Variants in ARB2A observed in about 807,000 individuals in gnomAD.
ARB2A encodes the protein cotranscriptional regulator ARB2A.
chr5:93,713,407 A>T, the ARB2A span, among the ~76,000 whole-genome samples: 1 of 152,212 alleles, frequency 6.6e-6, no homozygotes, highest in Non-Finnish European at 1.5e-5. Flanking sequence ...ATCTGAATAG[A>T]CATTTCACAA....
chr5:94,013,456 G>A, the ARB2A span, among the ~76,000 whole-genome samples: 7 of 152,196 alleles, frequency 4.6e-5, no homozygotes, highest in African/African-American at 1.2e-4. Context: ...GATTACAGGC[G>A]TGAGACATCG....
At chr5:93,909,589 A>G in the ARB2A span, among the ~76,000 whole-genome samples, 1 of 151,032 alleles carries the variant, frequency 6.6e-6, no homozygotes, top group Non-Finnish European at 1.5e-5. Context: ...AATTAGTTAT[A>G]GTCTAACATT....
the ARB2A span, among the ~76,000 whole-genome samples, chr5:93,797,795 G>T: frequency 6.6e-6 from 1 of 152,106 alleles, no homozygotes; most frequent in African/African-American, 2.4e-5. Flanking sequence ...AATAGACATG[G>T]CACAGAAATG....
the ARB2A span, among the ~76,000 whole-genome samples, chr5:93,783,173 T>A: frequency 6.6e-6 from 1 of 152,174 alleles, no homozygotes; most frequent in Non-Finnish European, 1.5e-5. Flanking sequence ...AATTCCATAC[T>A]AGTTATGTGA....
the ARB2A span, among the ~76,000 whole-genome samples, chr5:93,765,086 T>A: frequency 6.6e-6 from 1 of 152,182 alleles, no homozygotes; most frequent in Non-Finnish European, 1.5e-5. Flanking sequence ...ACAGCCAATA[T>A]CATACTGAAT....
the ARB2A span, among the ~76,000 whole-genome samples, chr5:93,634,520 T>C: frequency 6.6e-6 from 1 of 152,168 alleles, no homozygotes; most frequent in African/African-American, 2.4e-5. Flanking sequence ...CAGGTGGCCA[T>C]AGTCCATAGC....
the ARB2A span, among the ~76,000 whole-genome samples, chr5:93,878,250 A>G: frequency 2.6e-5 from 4 of 151,342 alleles, no homozygotes; most frequent in African/African-American, 9.7e-5. Flanking sequence ...AGGGGTTTTA[A>G]TCCTGGCTCT....
the ARB2A span, among the ~76,000 whole-genome samples, chr5:93,711,772 C>G: frequency 3.9e-5 from 6 of 152,258 alleles, no homozygotes; most frequent in Non-Finnish European, 5.9e-5. Flanking sequence ...TGAAAACCTG[C>G]AGCTTCGCTG....
chr5:93,896,935 T>A, the ARB2A span, among the ~76,000 whole-genome samples: 3 of 152,044 alleles, frequency 2.0e-5, no homozygotes, highest in Admixed American at 2.0e-4. Context: ...CGCACAATAT[T>A]AATTAAATAA....
the ARB2A span, among the ~76,000 whole-genome samples, chr5:93,712,149 T>C: frequency 6.6e-5 from 10 of 152,328 alleles, no homozygotes; most frequent in Admixed American, 6.5e-4. Flanking sequence ...AGAGTCTTAC[T>C]AGCTTGGGGT....
the ARB2A span, among the ~76,000 whole-genome samples, chr5:94,078,911 T>C: frequency 6.6e-6 from 1 of 152,112 alleles, no homozygotes; most frequent in African/African-American, 2.4e-5. Flanking sequence ...TGAAAAAATG[T>C]ATATGAAAGC....
At chr5:93,939,000 GAAAGTTTAA>G in the ARB2A span, among the ~76,000 whole-genome samples, 3 of 152,116 alleles carry the variant, frequency 2.0e-5, no homozygotes, top group African/African-American at 7.2e-5. Flanking sequence ...CTTTCCTTAA[GAAAGTTTAA>G]AAATATTCTT....
At chr5:94,043,324 G>A in the ARB2A span, among the ~76,000 whole-genome samples, 5 of 152,104 alleles carry the variant, frequency 3.3e-5, no homozygotes, top group Non-Finnish European at 5.9e-5. Flanking sequence ...TTTCTTTTGA[G>A]CTATTTACAG....
the ARB2A span, among the ~76,000 whole-genome samples, chr5:94,057,024 C>G: frequency 6.6e-6 from 1 of 152,164 alleles, no homozygotes; most frequent in African/African-American, 2.4e-5. Context: ...CTCTCTCTGC[C>G]GATCTTCAAG....
At chr5:93,979,764 T>C in the ARB2A span, among the ~76,000 whole-genome samples, 4 of 152,082 alleles carry the variant, frequency 2.6e-5, no homozygotes, top group African/African-American at 9.7e-5. Context: ...TTTCTATGTT[T>C]CTTTCTTTCT....
the ARB2A span, among the ~76,000 whole-genome samples, chr5:93,900,457 A>G: frequency 6.6e-6 from 1 of 151,894 alleles, no homozygotes; most frequent in Non-Finnish European, 1.5e-5. Context: ...CGAAAAATAC[A>G]AAAATTAGCC....
At chr5:94,041,676 G>A in the ARB2A span, among the ~76,000 whole-genome samples, 2 of 151,998 alleles carry the variant, frequency 1.3e-5, no homozygotes, top group East Asian at 1.9e-4. Flanking sequence ...GTAAACATTT[G>A]GTCTAAATTA....
the ARB2A span, among the ~76,000 whole-genome samples, chr5:93,840,368 C>T: frequency 6.6e-6 from 1 of 152,082 alleles, no homozygotes; most frequent in Non-Finnish European, 1.5e-5. Flanking sequence ...GATAAATATT[C>T]AGAACCATAT....
At chr5:94,076,032 A>C in the ARB2A span, among the ~76,000 whole-genome samples, 1 of 152,218 alleles carries the variant, frequency 6.6e-6, no homozygotes, top group Non-Finnish European at 1.5e-5. Flanking sequence ...AAAACATTTC[A>C]TATAATGTCT....
Sources: allele counts gnomAD v4.1 joint callset (sites outside exome capture counted in the v4.1 genomes callset), GRCh38; gene constraint gnomAD v4.1.1; transcripts MANE v1.5; gene names NCBI Gene and HGNC (gene_info 2026-07-23, HGNC 2026-07-21).